The following TMEM132B variants were observed in gnomAD, a reference collection of about 807,000 sequenced individuals.
The protein encoded by TMEM132B is transmembrane protein 132B.
In TMEM132B, 18 loss-of-function variants were observed where a neutral mutation model predicts 90.8. That is an observed-to-expected ratio of 0.20 (90% CI 0.14 to 0.29). The LOEUF is 0.29. TMEM132B is among the 10% of genes least tolerant of loss of function. TMEM132B has a pLI of 1.00. For synonymous variants in TMEM132B, 504 were observed against 523.3 expected, an observed-to-expected ratio of 0.96 and a Z score of 0.50; for missense variants, 1,096 against 1,326.8, an observed-to-expected ratio of 0.83 and a Z score of 2.70.
chr12:125,325,086 G>A (rs900816805), intron 1 of TMEM132B, among the ~76,000 whole-genome samples: 8 of 152,134 alleles, frequency 5.3e-5, no homozygotes, highest in African/African-American at 1.7e-4. Flanking sequence ...GTAGCCTGAG[G>A]CACCAGTTCC....
intron 8 of TMEM132B, among the ~76,000 whole-genome samples, chr12:125,652,835 C>G (rs1317806103): frequency 6.6e-6 from 1 of 152,250 alleles, no homozygotes; most frequent in Non-Finnish European, 1.5e-5. Context: ...CTTTTCCACG[C>G]TGACCACATC....
chr12:125,394,568 C>T (rs1430032591), intron 2 of TMEM132B, among the ~76,000 whole-genome samples: 1 of 152,134 alleles, frequency 6.6e-6, no homozygotes, highest in African/African-American at 2.4e-5. Flanking sequence ...TCAAGGGGGA[C>T]AAGAGAAGTC....
At chr12:125,272,842 T>G (rs1874875908) in intron 1 of TMEM132B, among the ~76,000 whole-genome samples, 1 of 152,220 alleles carries the variant, frequency 6.6e-6, no homozygotes, top group South Asian at 2.1e-4. Context: ...GCACTTCCAC[T>G]TCCAGAGTGT....
Position 125,658,559 on chromosome 12 carries a change from C to T in TMEM132B, c.*3849C>T, listed in dbSNP as rs1361319287. On this transcript the variant is annotated 3_prime_UTR_variant, in exon 9 of 9. Transcript: ENST00000682704. ...GGTTTATAGACTCAGCAGCCCTCACCTTTTATTAAAATTATATATGTGTGA... is the reference window on the plus strand; with the variant it reads ...GGTTTATAGACTCAGCAGCCCTCACTTTTTATTAAAATTATATATGTGTGA... 1 of 152,152 alleles carries T rather than the reference C, an allele frequency of 6.6e-6. No homozygotes were observed. Among genetic ancestry groups the T allele is most frequent in the Non-Finnish European group, 1.5e-5 (1 of 68,040 alleles). The allele number at this position is 152,152 out of a possible 1,614,324, so 9.4% of individuals were successfully genotyped here.
chr12:125,216,334 C>T (rs757784912), intron 1 of TMEM132B, among the ~76,000 whole-genome samples: 96 of 152,280 alleles, frequency 6.3e-4, no homozygotes, highest in African/African-American at 2.2e-3. Context: ...CTTAAAAGAA[C>T]ACCAGTCCTG....
intron 3 of TMEM132B, among the ~76,000 whole-genome samples, chr12:125,455,995 G>A (rs1161082540): frequency 2.6e-5 from 4 of 152,108 alleles, no homozygotes; most frequent in South Asian, 2.1e-4. Context: ...CAACTACTAC[G>A]TTCCACTGTT....
Position 125,332,583 on chromosome 12 carries a change from CTTTTTTTTTTTTTTTTTTTTTTTT to C in TMEM132B, c.68-16857_68-16834del, listed in dbSNP as rs201828438. 7.6e-4 allele frequency among the ~76,000 whole-genome samples: 40 copies of C among 52,424 alleles called. 1 individual carries two copies. The East Asian group carries it at 0.019, about 25-fold the overall frequency. 34.4% of individuals were successfully genotyped at this position (52,424 alleles called of 152,430 possible). A position where few individuals can be genotyped will look rare whatever the true frequency, so the allele number is the denominator to read the frequency against. On this transcript the variant is annotated intron_variant, in intron 1 of 8. Transcript: ENST00000682704. ...CTGAGAAATTAATTCAGAGAGTTGG[CTTTTTTTTTTTTTTTTTTTTTTTT>C]TTTTTTTTTTTAAGACAGTAGAGTG...
intron 2 of TMEM132B, among the ~76,000 whole-genome samples, chr12:125,369,971 C>A (rs1321473623): frequency 6.6e-6 from 1 of 152,098 alleles, no homozygotes. Context: ...ATCACTTGAA[C>A]CAGTGAGGAG....
At chr12:125,484,365 A>G (rs1389351708) in intron 3 of TMEM132B, among the ~76,000 whole-genome samples, 1 of 151,900 alleles carries the variant, frequency 6.6e-6, no homozygotes, top group Non-Finnish European at 1.5e-5. Context: ...ATTTCCTTCT[A>G]GGGGCTTCTC....
Position 125,573,621 on chromosome 12 carries a change from C to T in TMEM132B, c.1294-10230C>T, listed in dbSNP as rs376943779. Among the ~76,000 whole-genome samples the T allele has an allele frequency of 2.6e-5, 4 of 152,328 alleles. No homozygotes were observed. In the South Asian group the frequency reaches 8.3e-4, roughly 32 times the overall value. ...AGCAACAGAGGTTTATTTGTGCTCA[C>T]ACTGCCTGTCTGACACAGATCAGTT... On this transcript the variant is annotated intron_variant, in intron 4 of 8. Coordinates refer to ENST00000682704, the MANE Select transcript of TMEM132B (RefSeq NM_001366854.1).
In TMEM132B at chr12:125,417,655, G is replaced by T. The variant is rs561119592; in HGVS notation, c.1106+1978G>T. Among the ~76,000 whole-genome samples the T allele has an allele frequency of 8.5e-4, 129 of 152,262 alleles. 1 individual carries two copies. The highest frequency in any genetic ancestry group is 1.5e-3 in the Non-Finnish European group (99 of 68,030). On this transcript the variant is annotated intron_variant, in intron 3 of 8. Coordinates refer to ENST00000682704, the MANE Select transcript of TMEM132B (RefSeq NM_001366854.1). ...CGTGGTACCAGGAATGTAGGGTCAGGTGCTCAACCAGTAACCTTAGCAACC... is the reference window on the plus strand; with the variant it reads ...CGTGGTACCAGGAATGTAGGGTCAGTTGCTCAACCAGTAACCTTAGCAACC...
intron 8 of TMEM132B, among the ~76,000 whole-genome samples, chr12:125,653,284 TA>T (rs1461404459): frequency 1.3e-5 from 2 of 152,232 alleles, no homozygotes; most frequent in African/African-American, 2.4e-5. Context: ...AAAATGTTTT[TA>T]AAAAGGTCAA....
chr12:125,205,790 G>A (rs55833684), intron 1 of TMEM132B, among the ~76,000 whole-genome samples: 1 of 152,236 alleles, frequency 6.6e-6, no homozygotes, highest in East Asian at 1.9e-4. Flanking sequence ...CACGTCCGTC[G>A]CATTTTACTC....
chr12:125,644,877 G>A (rs1481571737), intron 6 of TMEM132B, among the ~76,000 whole-genome samples: 1 of 152,110 alleles, frequency 6.6e-6, no homozygotes. Context: ...AATTAGGGAT[G>A]ATAACATTAC....
chr12:125,524,845 A>G (rs1482770103), intron 4 of TMEM132B, among the ~76,000 whole-genome samples: 2 of 152,160 alleles, frequency 1.3e-5, no homozygotes, highest in Non-Finnish European at 2.9e-5. Context: ...GGTGGGCACA[A>G]TATGGGTGAA....
At chr12:125,311,508 C>A (rs1049415334) in intron 1 of TMEM132B, among the ~76,000 whole-genome samples, 1 of 152,164 alleles carries the variant, frequency 6.6e-6, no homozygotes, top group Non-Finnish European at 1.5e-5. Context: ...AGTGAGTCGC[C>A]ACCTCTAGCT....
chr12:125,362,323 C>T (rs1877984356), intron 2 of TMEM132B, among the ~76,000 whole-genome samples: 1 of 152,186 alleles, frequency 6.6e-6, no homozygotes, highest in Non-Finnish European at 1.5e-5. Flanking sequence ...ATTATGCTCT[C>T]CTTGTACTTA....
chr12:125,575,347 T>G (rs1425544524), intron 4 of TMEM132B, among the ~76,000 whole-genome samples: 1 of 151,836 alleles, frequency 6.6e-6, no homozygotes, highest in Non-Finnish European at 1.5e-5. Flanking sequence ...ATTGGCCACT[T>G]GTATTAATAT....
At chr12:125,223,721 A>G (rs1019804257) in intron 1 of TMEM132B, among the ~76,000 whole-genome samples, 1 of 152,060 alleles carries the variant, frequency 6.6e-6, no homozygotes, top group African/African-American at 2.4e-5. Context: ...AAATTTGCCT[A>G]TTCTGAACAT....
Sources: gnomAD v4.1 joint callset for allele counts (sites outside exome capture counted in the v4.1 genomes callset) on GRCh38, gnomAD v4.1.1 for gene constraint, MANE v1.5 for transcripts, NCBI Gene and HGNC (gene_info 2026-07-23, HGNC 2026-07-21) for gene names.